Variants in LTBP1 observed in about 807,000 individuals in gnomAD.
The protein encoded by LTBP1 is latent-transforming growth factor beta-binding protein 1.
A neutral mutation model predicts 207.6 loss-of-function variants in LTBP1; 129 were observed. That is an observed-to-expected ratio of 0.62 (90% CI 0.54 to 0.72). The LOEUF (loss-of-function observed/expected upper bound fraction) is 0.72, where lower values mean the gene tolerates loss of function less well. Among genes scored for constraint, LTBP1 ranks in the 30% least tolerant of loss-of-function variants. LTBP1 has a pLI of 0.00. For missense variants in LTBP1, 2,281 were observed against 2,217.2 expected (o/e 1.03, Z -0.58); for synonymous variants, 963 against 833.7 (o/e 1.16, Z -2.67).
intron 19 of LTBP1, among the ~76,000 whole-genome samples, chr2:33,284,221 G>T (rs2093619120): frequency 6.6e-6 from 1 of 152,142 alleles, no homozygotes; most frequent in South Asian, 2.1e-4. Flanking sequence ...ATTGTTTTGG[G>T]CAGAAATAGG....
At chr2:33,121,320 T>G (rs78879228) in intron 4 of LTBP1, among the ~76,000 whole-genome samples, 9,583 of 152,202 alleles carry the variant, frequency 0.063, 389 homozygotes, top group Non-Finnish European at 0.081. Context: ...TGCAGTGTTT[T>G]GTGAAAAACA....
At chr2:33,078,700 A>G (rs909671301) in intron 3 of LTBP1, among the ~76,000 whole-genome samples, 1 of 152,076 alleles carries the variant, frequency 6.6e-6, no homozygotes, top group African/African-American at 2.4e-5. Flanking sequence ...TTTAATGTAT[A>G]TTTGTCTTTA....
chr2:33,297,216 A>G (rs757449179), intron 20 of LTBP1, among the ~76,000 whole-genome samples: 4 of 152,074 alleles, frequency 2.6e-5, no homozygotes, highest in Non-Finnish European at 1.5e-5. Context: ...CTCCGATTCT[A>G]ATGGCGTCTT....
intron 2 of LTBP1, among the ~76,000 whole-genome samples, chr2:32,977,000 C>G (rs1320412204): frequency 6.6e-6 from 1 of 152,240 alleles, no homozygotes; most frequent in Non-Finnish European, 1.5e-5. Context: ...CTCTAGCATG[C>G]CTGGCCCCTC....
At chr2:33,130,827 A>C (rs1301326883) in intron 4 of LTBP1, among the ~76,000 whole-genome samples, 1 of 152,130 alleles carries the variant, frequency 6.6e-6, no homozygotes, top group African/African-American at 2.4e-5. Context: ...GGCCTCCAAA[A>C]CCCAAAGTTT....
Position 33,365,504 on chromosome 2 carries a change from G to A in LTBP1, c.4711+1G>A, listed in dbSNP as rs1246603968. 2 of 1,613,164 alleles carry A rather than the reference G, an allele frequency of 1.2e-6. No individual in the cohort carries two copies. Among genetic ancestry groups the A allele is most frequent in the Admixed American group, 1.7e-5 (1 of 59,876 alleles). On this transcript the variant is annotated splice_donor_variant, in intron 31 of 33. Coordinates refer to ENST00000404816, the MANE Select transcript of LTBP1 (RefSeq NM_206943.4). LOFTEE classifies it high-confidence loss of function. ...GCCCTCTGCCCCCTGAAGGATTCAGGTGAGCCCATATCCAATTCCTTCTGC... is the reference window on the plus strand; with the variant it reads ...GCCCTCTGCCCCCTGAAGGATTCAGATGAGCCCATATCCAATTCCTTCTGC...
intron 9 of LTBP1, among the ~76,000 whole-genome samples, chr2:33,236,057 A>G (rs1221983199): frequency 3.9e-5 from 6 of 152,232 alleles, no homozygotes; most frequent in Non-Finnish European, 7.3e-5. Context: ...ATAATTTTTA[A>G]AAAAGATGAA....
intron 6 of LTBP1, 22 bp from the exon 7 acceptor site, chr2:33,188,554 GT>G: frequency 3.8e-6 from 6 of 1,593,642 alleles, no homozygotes; most frequent in Non-Finnish European, 5.1e-6. Context: ...GGACTAACAA[GT>G]TTTCCTCCCA....
rs775475435 is a variant in LTBP1 at position 33,234,441 on chromosome 2, G to C, written c.1877-9221G>C. Among the ~76,000 whole-genome samples, 8 of 152,248 alleles carry C rather than the reference G, an allele frequency of 5.3e-5. No individual in the cohort carries two copies. In the East Asian group the frequency reaches 1.2e-3, roughly 22 times the overall value. ...TATACACCAATAATAGACAGACAGA[G>C]AGCCAAATCATGAGTGAACTCCCAG... On this transcript the variant is annotated intron_variant, in intron 9 of 33. Coordinates refer to ENST00000404816, the MANE Select transcript of LTBP1 (RefSeq NM_206943.4).
intron 24 of LTBP1, among the ~76,000 whole-genome samples, chr2:33,324,389 T>C (rs1013883744): frequency 3.9e-5 from 6 of 151,972 alleles, no homozygotes; most frequent in Non-Finnish European, 8.8e-5. Flanking sequence ...TATGTATGTA[T>C]GTATGTATGT....
chr2:33,019,877 T>C (rs1018047778), intron 2 of LTBP1, among the ~76,000 whole-genome samples: 3 of 125,054 alleles, frequency 2.4e-5, no homozygotes, highest in Non-Finnish European at 5.4e-5. Flanking sequence ...TAATTAAATT[T>C]TTTTTTTTTT....
At chr2:33,350,268 A>G (rs896839579) in intron 26 of LTBP1, among the ~76,000 whole-genome samples, 2 of 152,202 alleles carry the variant, frequency 1.3e-5, no homozygotes, top group African/African-American at 2.4e-5. Flanking sequence ...AGGACAATCT[A>G]TATTCCAACA....
At chr2:33,108,893 A>G (rs1572672444) in intron 3 of LTBP1, among the ~76,000 whole-genome samples, 2 of 152,320 alleles carry the variant, frequency 1.3e-5, no homozygotes, top group Admixed American at 6.5e-5. Flanking sequence ...ATGTCAAAAC[A>G]ACACTTACAT....
At position 32,947,544 on chromosome 2, in the gene LTBP1, C is replaced by T. The variant is rs1676367412; in HGVS notation, c.220C>T (p.Arg74Cys). Residue 74 changes from arginine to cysteine, a missense_variant, in exon 1 of 34, where the codon CGT becomes TGT. Around this residue, in one of 3 missense-constraint regions of LTBP1, gnomAD observed 555 missense variants for 491.0 expected, o/e 1.13. Transcript: ENST00000404816. ...RSSAAAGAPS[R>C]ASPGVPSERT... ...CTCGGCGGCTGCCGGCGCCCCCAGC[C>T]GTGCCTCCCCCGGGGTCCCCTCGGA... 2.2e-6 allele frequency: 3 copies of T among 1,382,714 alleles called. No individual in the cohort carries two copies. Among genetic ancestry groups the T allele is most frequent in the African/African-American group, 1.5e-5 (1 of 65,714 alleles). 85.7% of individuals were successfully genotyped at this position (1,382,714 alleles called of 1,614,324 possible).
Position 33,021,167 on chromosome 2 carries a change from C to G in LTBP1, c.824C>G (p.Pro275Arg), listed in dbSNP as rs148206651. Residue 275 changes from proline to arginine, a missense_variant, in exon 3 of 34, where the codon CCG becomes CGG. Coordinates refer to ENST00000404816, the MANE Select transcript of LTBP1 (RefSeq NM_206943.4). ...PVAQMTLTLK[P>R]KPSVGLPQQI... ...GCCCAGATGACCTTAACCCTCAAGC[C>G]GAAGCCTTCAGTGGGACTCCCCCAG... is the stretch of plus-strand genomic sequence containing the variant. 1.9e-6 allele frequency: 3 copies of G among 1,609,144 alleles called. No homozygotes were observed. Among genetic ancestry groups the G allele is most frequent in the Non-Finnish European group, 2.5e-6 (3 of 1,176,868 alleles).
intron 5 of LTBP1, among the ~76,000 whole-genome samples, chr2:33,172,023 G>A (rs1022372149): frequency 3.9e-5 from 6 of 152,160 alleles, no homozygotes; most frequent in African/African-American, 1.4e-4. Context: ...AACATGGAAA[G>A]GAACAACCAG....
At chr2:33,301,452 C>T in intron 21 of LTBP1, 70 bp from the exon 22 acceptor site, 1 of 1,444,348 alleles carries the variant, frequency 6.9e-7, no homozygotes, top group Non-Finnish European at 9.2e-7. Context: ...TACACTGATC[C>T]AATTGAGACT....
rs118069574 is a variant in LTBP1, at chr2:33,373,912, T to C, written c.4711+8409T>C. On this transcript the variant is annotated intron_variant, in intron 31 of 33. Transcript: ENST00000404816. ...ACCATTTGCTGTGACAGAAAATTTT[T>C]CAATCCTTCCTAATATCTAACCTAC... is the stretch of plus-strand genomic sequence containing the variant. Among the ~76,000 whole-genome samples the C allele has an allele frequency of 1.3e-3, 195 of 152,300 alleles. 4 individuals are homozygous for C. In the East Asian group the frequency reaches 0.017, roughly 13 times the overall value.
At chr2:33,355,388 C>T (rs1216573469) in intron 26 of LTBP1, among the ~76,000 whole-genome samples, 1 of 152,060 alleles carries the variant, frequency 6.6e-6, no homozygotes, top group African/African-American at 2.4e-5. Flanking sequence ...TTACATATAA[C>T]GTATGCACAT....
Sources: gnomAD v4.1 joint callset for allele counts (sites outside exome capture counted in the v4.1 genomes callset) on GRCh38, gnomAD v4.1.1 for gene constraint, gnomAD v4.1.1 regional missense constraint, MANE v1.5 for transcripts, NCBI Gene and HGNC (gene_info 2026-07-23, HGNC 2026-07-21) for gene names.